Variants in FAT3 observed in about 807,000 individuals in gnomAD.
The protein encoded by FAT3 is protocadherin Fat 3.
A neutral mutation model predicts 310.2 loss-of-function variants in FAT3; 95 were observed. The observed-to-expected ratio is 0.31, with a 90% CI of 0.26 to 0.36. The LOEUF is 0.36. Ranked by LOEUF, FAT3 falls within the 10% of genes least tolerant of loss-of-function variation. The pLI is 1.00. For synonymous variants in FAT3, 2,314 were observed against 2,192.9 expected, an observed-to-expected ratio of 1.06 and a Z score of -1.54; for missense variants, 5,408 against 5,715.6, an observed-to-expected ratio of 0.95 and a Z score of 1.74.
rs75533181 is a variant in FAT3, at chr11:92,624,708, C to T, written c.3608-72676C>T. Among the ~76,000 whole-genome samples the T allele has an allele frequency of 7.9e-5, 12 of 152,286 alleles. No individual in the cohort carries two copies. The East Asian group carries it at 2.3e-3, about 29-fold the overall frequency. ...TTAGAGAGAGAGGAAATGTCAGAGT[C>T]TGGCTTGGGGGTGTTTTAGTTTGCT... On this transcript the variant is annotated intron_variant, in intron 3 of 27. Coordinates refer to ENST00000525166, the MANE Select transcript of FAT3 (RefSeq NM_001367949.2).
Position 92,883,113 on chromosome 11 carries a change from C to G in FAT3, c.12657C>G (p.Arg4219=). ...FRNLRGSGDG[R]NVYQEVGPPQ... is the part of the protein sequence containing the mutation. ...ACCTGCGCGGCAGTGGGGACGGCCGCAACGTCTACCAGGAGGTGGGGCCCC... is the reference window on the plus strand; with the variant it reads ...ACCTGCGCGGCAGTGGGGACGGCCGGAACGTCTACCAGGAGGTGGGGCCCC... Residue 4219 remains arginine, a synonymous_variant, in exon 24 of 28, where the codon CGC becomes CGG. Coordinates refer to ENST00000525166, the MANE Select transcript of FAT3 (RefSeq NM_001367949.2). This position sits in a 1 kb window ranked among gnomAD's most constrained non-coding sequence, Gnocchi z 4.2. 6.2e-7 allele frequency: 1 copy of G among 1,613,814 alleles called. No individual in the cohort carries two copies. Among genetic ancestry groups the G allele is most frequent in the Non-Finnish European group, 8.5e-7 (1 of 1,179,886 alleles).
chr11:92,689,338 A>C (rs1943729218), intron 3 of FAT3, among the ~76,000 whole-genome samples: 1 of 152,206 alleles, frequency 6.6e-6, no homozygotes, highest in Non-Finnish European at 1.5e-5. Context: ...AATTATGAAA[A>C]AAATCTTGGC....
At chr11:92,242,326 A>G (rs1864699310) in intron 1 of FAT3, among the ~76,000 whole-genome samples, 1 of 152,090 alleles carries the variant, frequency 6.6e-6, no homozygotes, top group Non-Finnish European at 1.5e-5. Context: ...GGTTTTCTTG[A>G]ATTCTGCTGA....
chr11:92,237,272 G>T (rs1413593626), intron 1 of FAT3, among the ~76,000 whole-genome samples: 1 of 152,122 alleles, frequency 6.6e-6, no homozygotes, highest in African/African-American at 2.4e-5. Flanking sequence ...CTTCCATGCA[G>T]ATTTCCGGGC....
chr11:92,344,574 G>A (rs1022802884), intron 1 of FAT3, among the ~76,000 whole-genome samples: 7 of 152,134 alleles, frequency 4.6e-5, no homozygotes, highest in Admixed American at 2.6e-4. Flanking sequence ...GTAAGTTCCT[G>A]ACTTTCATAA....
At chr11:92,629,366 C>A (rs539136528) in intron 3 of FAT3, among the ~76,000 whole-genome samples, 10 of 151,004 alleles carry the variant, frequency 6.6e-5, no homozygotes, top group African/African-American at 2.4e-4. Flanking sequence ...TGCCTGGGAT[C>A]ATCTGCCTCT....
At chr11:92,478,952 C>A (rs1565348253) in intron 2 of FAT3, among the ~76,000 whole-genome samples, 1 of 89,454 alleles carries the variant, frequency 1.1e-5, no homozygotes, top group African/African-American at 4.4e-5. Context: ...TTCTTTCTTT[C>A]TTTTCTTTTC....
intron 10 of FAT3, among the ~76,000 whole-genome samples, chr11:92,804,417 G>T (rs1488537353): frequency 1.3e-5 from 2 of 151,782 alleles, no homozygotes; most frequent in African/African-American, 4.8e-5. Flanking sequence ...AGCTGCTTTT[G>T]CCCCCATGTA....
intron 2 of FAT3, among the ~76,000 whole-genome samples, chr11:92,434,580 T>C (rs151311543): frequency 6.7e-4 from 102 of 152,214 alleles, no homozygotes; most frequent in African/African-American, 2.2e-3. Context: ...TCTAGCAACT[T>C]TGGTGCTGGT....
At chr11:92,608,611 T>C (rs1940416377) in intron 3 of FAT3, among the ~76,000 whole-genome samples, 1 of 152,004 alleles carries the variant, frequency 6.6e-6, no homozygotes, top group African/African-American at 2.4e-5. Flanking sequence ...GGCTACCTGA[T>C]TGTATATTAG....
chr11:92,649,075 G>A (rs1207078799), intron 3 of FAT3, among the ~76,000 whole-genome samples: 1 of 152,056 alleles, frequency 6.6e-6, no homozygotes, highest in African/African-American at 2.4e-5. Context: ...GGTGATATTT[G>A]TCTCTCATAT....
At chr11:92,582,666 T>C (rs1938876026) in intron 3 of FAT3, among the ~76,000 whole-genome samples, 2 of 152,140 alleles carry the variant, frequency 1.3e-5, no homozygotes, top group East Asian at 1.9e-4. Flanking sequence ...CTCTAAGCAT[T>C]ATTCCTGGCT....
At chr11:92,387,773 A>C (rs1949660340) in intron 2 of FAT3, among the ~76,000 whole-genome samples, 1 of 152,176 alleles carries the variant, frequency 6.6e-6, no homozygotes, top group Non-Finnish European at 1.5e-5. Flanking sequence ...CACATCAGGC[A>C]GAGCTTCTGA....
At chr11:92,607,109 C>G (rs977643767) in intron 3 of FAT3, among the ~76,000 whole-genome samples, 1 of 152,090 alleles carries the variant, frequency 6.6e-6, no homozygotes, top group African/African-American at 2.4e-5. Flanking sequence ...ATGTTTGTAC[C>G]CTTGATTGAA....
chr11:92,573,227 T>C (rs964621321), intron 3 of FAT3, among the ~76,000 whole-genome samples: 9 of 152,116 alleles, frequency 5.9e-5, no homozygotes, highest in Non-Finnish European at 1.3e-4. Context: ...AATACTTAAA[T>C]AGGTGTGCCG....
chr11:92,725,331 G>A (rs1212010137), intron 4 of FAT3, among the ~76,000 whole-genome samples: 1 of 152,126 alleles, frequency 6.6e-6, no homozygotes, highest in Non-Finnish European at 1.5e-5. Context: ...CAGAACCTAA[G>A]ACCTTTGCCC....
intron 5 of FAT3, 61 bp from the exon 6 acceptor site, chr11:92,764,818 T>C (rs1946260239): frequency 2.0e-6 from 3 of 1,505,836 alleles, no homozygotes; most frequent in Non-Finnish European, 1.8e-6. Context: ...GAGTGACAGA[T>C]CCAAACTCTA....
rs532134316 is a variant in FAT3, at chr11:92,549,207, C to T, written c.3607+24259C>T. On this transcript the variant is annotated intron_variant, in intron 3 of 27. Coordinates refer to ENST00000525166, the MANE Select transcript of FAT3 (RefSeq NM_001367949.2). ...ATCCACTTCCTTACAGACTCATTCACATTTTTTCTTGTCCTGGATAGTATC... is the reference window on the plus strand; with the variant it reads ...ATCCACTTCCTTACAGACTCATTCATATTTTTTCTTGTCCTGGATAGTATC... Among the ~76,000 whole-genome samples the T allele has an allele frequency of 3.9e-4, 60 of 152,254 alleles. No individual in the cohort carries two copies. The South Asian group carries it at 0.012, about 29-fold the overall frequency.
intron 2 of FAT3, among the ~76,000 whole-genome samples, chr11:92,510,175 C>T (rs865808805): frequency 6.6e-6 from 1 of 152,126 alleles, no homozygotes; most frequent in Non-Finnish European, 1.5e-5. Flanking sequence ...TTCTTCTTCT[C>T]AAGAAATAGA....
Sources: gnomAD v4.1 joint callset for allele counts (sites outside exome capture counted in the v4.1 genomes callset) on GRCh38, gnomAD v4.1.1 for gene constraint, Gnocchi (gnomAD v3.1) non-coding constraint, MANE v1.5 for transcripts, NCBI Gene and HGNC (gene_info 2026-07-23, HGNC 2026-07-21) for gene names.